Variants in LTBP1 observed in about 807,000 individuals in gnomAD.
LTBP1 encodes the protein latent transforming growth factor beta binding protein 1, also known as latent-transforming growth factor beta-binding protein 1.
LTBP1 carries 129 observed loss-of-function variants against 207.6 expected under a neutral mutation model. The observed-to-expected ratio is 0.62, with a 90% confidence interval of 0.54 to 0.72. The LOEUF is 0.72. LTBP1 is among the 30% of genes least tolerant of loss of function. The pLI, the probability that LTBP1 is intolerant of heterozygous loss-of-function variation, is 0.00. For missense variants in LTBP1, 2,281 were observed against 2,217.2 expected (o/e 1.03, Z -0.58); for synonymous variants, 963 against 833.7 (o/e 1.16, Z -2.67).
intron 18 of LTBP1, among the ~76,000 whole-genome samples, chr2:33,278,278 A>G (rs923014537): frequency 6.6e-6 from 1 of 152,250 alleles, no homozygotes; most frequent in African/African-American, 2.4e-5. Context: ...GATATTCAAT[A>G]TATGAAAATT....
At chr2:33,048,372 A>T (rs1472286667) in intron 3 of LTBP1, among the ~76,000 whole-genome samples, 1 of 152,194 alleles carries the variant, frequency 6.6e-6, no homozygotes, top group Non-Finnish European at 1.5e-5. Context: ...CTTGGAGAGG[A>T]ATAATCCTGT....
At chr2:33,119,105 G>A (rs1413719729) in intron 4 of LTBP1, among the ~76,000 whole-genome samples, 1 of 151,948 alleles carries the variant, frequency 6.6e-6, no homozygotes, top group Non-Finnish European at 1.5e-5. Context: ...ATTTCTGGGT[G>A]TTGAGACTGA....
At chr2:33,331,121 C>G (rs1416447201) in intron 24 of LTBP1, among the ~76,000 whole-genome samples, 1 of 151,538 alleles carries the variant, frequency 6.6e-6, no homozygotes, top group Non-Finnish European at 1.5e-5. Context: ...GTAATTTGTG[C>G]TTATGTTTCG....
chr2:33,014,182 C>T (rs137953181), intron 2 of LTBP1, among the ~76,000 whole-genome samples: 32 of 152,124 alleles, frequency 2.1e-4, no homozygotes, highest in African/African-American at 7.2e-4. Flanking sequence ...GCATGGTCCA[C>T]GTATTTAGAA....
At chr2:33,334,181 C>T (rs1277394171) in intron 24 of LTBP1, among the ~76,000 whole-genome samples, 3 of 152,024 alleles carry the variant, frequency 2.0e-5, no homozygotes, top group Non-Finnish European at 4.4e-5. Flanking sequence ...ACACAGCATG[C>T]GTAGATAAGT....
chr2:33,149,220 C>CA (rs1199273167), intron 5 of LTBP1, among the ~76,000 whole-genome samples: 174 of 15,156 alleles, frequency 0.011, 2 homozygotes, highest in African/African-American at 0.042. Flanking sequence ...GTCTCACTCA[C>CA]AAAAAAACAA....
intron 15 of LTBP1, among the ~76,000 whole-genome samples, chr2:33,272,234 G>A (rs2093336510): frequency 6.6e-6 from 1 of 152,194 alleles, no homozygotes. Flanking sequence ...CTGTGTTAAA[G>A]CACTGTTTTC....
In LTBP1 at chr2:33,305,941, A is replaced by C. The variant is rs566035929; in HGVS notation, c.3482-3493A>C. ...GCTGGAAGTAGTTGGTGACCTCAACAAGCTCAGTCTTGGTAGAAAGATGAC... is the reference window on the plus strand; with the variant it reads ...GCTGGAAGTAGTTGGTGACCTCAACCAGCTCAGTCTTGGTAGAAAGATGAC... On this transcript the variant is annotated intron_variant, in intron 22 of 33. Coordinates refer to ENST00000404816, the MANE Select transcript of LTBP1 (RefSeq NM_206943.4). Among the ~76,000 whole-genome samples the C allele has an allele frequency of 5.3e-5, 8 of 152,322 alleles. No individual in the cohort carries two copies. In the East Asian group the frequency reaches 1.5e-3, roughly 29 times the overall value.
chr2:33,397,601 A>G (rs1198612300), intron 33 of LTBP1, among the ~76,000 whole-genome samples: 11 of 139,558 alleles, frequency 7.9e-5, no homozygotes, highest in Admixed American at 6.4e-4. Context: ...TCTGCCTCCC[A>G]GGTTCAAGCA....
intron 31 of LTBP1, among the ~76,000 whole-genome samples, chr2:33,369,168 CAG>C (rs1455404364): frequency 2.0e-5 from 3 of 151,262 alleles, no homozygotes; most frequent in South Asian, 2.1e-4. Flanking sequence ...TACAGAATAT[CAG>C]GGGAAAAAAG....
chr2:33,390,367 T>C (rs1297611824), intron 32 of LTBP1, among the ~76,000 whole-genome samples: 2 of 151,762 alleles, frequency 1.3e-5, no homozygotes, highest in South Asian at 2.1e-4. Flanking sequence ...CAGCAGGAGG[T>C]CCACAATGAA....
intron 3 of LTBP1, among the ~76,000 whole-genome samples, chr2:33,024,025 G>A (rs1424377533): frequency 1.3e-5 from 2 of 152,170 alleles, no homozygotes; most frequent in African/African-American, 2.4e-5. Flanking sequence ...ATGCCAAAAT[G>A]TTTAGTGTTA....
rs10616798 is a variant in LTBP1, at chr2:33,168,399, CAAAAAAAA to C, written c.1202-18447_1202-18440del. Reference sequence around the variant, plus strand: ...ACAAAGTGAGACCCTGTCTTTGTCTCAAAAAAAAAAAAAAAAAGAAAAAAGAAAAAAAA... The same window carrying C: ...ACAAAGTGAGACCCTGTCTTTGTCTCAAAAAAAAAGAAAAAAGAAAAAAAA... On this transcript the variant is annotated intron_variant, in intron 5 of 33. Transcript: ENST00000404816. Among the ~76,000 whole-genome samples the C allele has an allele frequency of 7.6e-3, 785 of 103,822 alleles. 5 individuals carry two copies. Among genetic ancestry groups the C allele is most frequent in the Middle Eastern group, 0.042 (9 of 214 alleles). 68.1% of individuals were successfully genotyped at this position (103,822 alleles called of 152,430 possible).
At chr2:33,005,432 T>G (rs947623775) in intron 2 of LTBP1, among the ~76,000 whole-genome samples, 1 of 152,076 alleles carries the variant, frequency 6.6e-6, no homozygotes, top group Non-Finnish European at 1.5e-5. Context: ...TTGCTTGGGC[T>G]TCTCCATTAC....
intron 2 of LTBP1, among the ~76,000 whole-genome samples, chr2:32,982,493 G>C (rs1392835540): frequency 2.0e-5 from 3 of 152,178 alleles, no homozygotes; most frequent in African/African-American, 7.2e-5. Context: ...TAATCACCAA[G>C]ACAGTTAATC....
intron 3 of LTBP1, among the ~76,000 whole-genome samples, chr2:33,026,058 A>T (rs1386349910): frequency 1.3e-5 from 2 of 152,176 alleles, no homozygotes; most frequent in Admixed American, 1.3e-4. Flanking sequence ...AGTAAAGGAA[A>T]AAAAATCCCA....
intron 12 of LTBP1, among the ~76,000 whole-genome samples, chr2:33,258,767 G>T (rs1030662724): frequency 1.3e-5 from 2 of 152,086 alleles, no homozygotes; most frequent in African/African-American, 4.8e-5. Flanking sequence ...TACTTTGTCT[G>T]GTACCCTGAT....
chr2:33,065,516 C>T (rs2077466742), intron 3 of LTBP1, among the ~76,000 whole-genome samples: 1 of 152,034 alleles, frequency 6.6e-6, no homozygotes, highest in Non-Finnish European at 1.5e-5. Context: ...TGTCACTGCT[C>T]TACATCCTGG....
At chr2:33,343,012 A>T (rs753249262) in intron 25 of LTBP1, 49 bp downstream of exon 25, 9 of 1,575,864 alleles carry the variant, frequency 5.7e-6, no homozygotes, top group African/African-American at 2.7e-5. Flanking sequence ...CCCTAGGGAA[A>T]AGAAATCACA....
Sources: gnomAD v4.1 joint callset for allele counts (sites outside exome capture counted in the v4.1 genomes callset) on GRCh38, gnomAD v4.1.1 for gene constraint, MANE v1.5 for transcripts, NCBI Gene and HGNC (gene_info 2026-07-23, HGNC 2026-07-21) for gene names.